The following IL6R variants were observed in gnomAD, a reference collection of about 807,000 sequenced individuals.
The protein encoded by IL6R is interleukin-6 receptor subunit alpha.
In IL6R, 38 loss-of-function variants were observed where a neutral mutation model predicts 48.3. The ratio of observed to expected loss-of-function variants is 0.79; its 90% CI spans 0.61 to 1.03. The LOEUF is 1.03. Among genes scored for constraint, IL6R ranks in the 50% least tolerant of loss-of-function variants. The probability of loss-of-function intolerance (pLI) is 0.00; values close to 1 mark genes in which losing one functional copy is unlikely to be tolerated. For missense variants in IL6R, 534 were observed against 618.3 expected, an observed-to-expected ratio of 0.86 and a Z score of 1.45; for synonymous variants, 264 against 256.2, an observed-to-expected ratio of 1.03 and a Z score of -0.29.
At chr1:154,432,901 G>A (rs1456158476) in intron 3 of IL6R, among the ~76,000 whole-genome samples, 3 of 152,196 alleles carry the variant, frequency 2.0e-5, no homozygotes, top group Admixed American at 6.5e-5. Flanking sequence ...CCTGGAAAGG[G>A]ATTACTGGGA....
intron 1 of IL6R, among the ~76,000 whole-genome samples, chr1:154,416,580 C>T (rs1392190195): frequency 1.3e-5 from 2 of 152,082 alleles, no homozygotes; most frequent in African/African-American, 2.4e-5. Flanking sequence ...TCAGGTCTCA[C>T]TGAGGGGAGA....
chr1:154,450,221 G>A (rs1010666483), intron 8 of IL6R, among the ~76,000 whole-genome samples: 1 of 151,676 alleles, frequency 6.6e-6, no homozygotes, highest in Non-Finnish European at 1.5e-5. Flanking sequence ...TGTCTCCTGA[G>A]TTCAAGCGAT....
chr1:154,414,492 C>T, intron 1 of IL6R: 3 of 884,074 alleles, frequency 3.4e-6, no homozygotes, highest in Non-Finnish European at 5.6e-6. Flanking sequence ...GGGCCCGGGA[C>T]CCACCCTCAC....
At chr1:154,412,121 G>A (rs1435366402) in intron 1 of IL6R, among the ~76,000 whole-genome samples, 1 of 151,252 alleles carries the variant, frequency 6.6e-6, no homozygotes, top group African/African-American at 2.4e-5. Flanking sequence ...CTAATTTTTT[G>A]TATTTTTAGT....
At chr1:154,421,291 G>A (rs1688648733) in intron 1 of IL6R, among the ~76,000 whole-genome samples, 2 of 152,128 alleles carry the variant, frequency 1.3e-5, no homozygotes, top group Non-Finnish European at 2.9e-5. Flanking sequence ...GGAGAGGTGG[G>A]GAAGCCATTG....
intron 1 of IL6R, among the ~76,000 whole-genome samples, chr1:154,417,400 C>A (rs773012901): frequency 1.4e-4 from 22 of 152,206 alleles, no homozygotes; most frequent in Non-Finnish European, 3.1e-4. Context: ...CAGCACCCTA[C>A]ACACTGGCTG....
chr1:154,412,759 C>A lies in IL6R; in HGVS notation c.85+7045C>A, dbSNP rs74229234. Among the ~76,000 whole-genome samples, 244 of 151,986 alleles carry A rather than the reference C, an allele frequency of 1.6e-3. 8 individuals carry two copies. The East Asian group carries it at 0.038, about 23-fold the overall frequency. The stretch of plus-strand genomic sequence containing the variant: ...TGTAATCCTGACAACATTTGAAGTA[C>A]CTATGGTTATTATTTCTATTTTATG... On this transcript the variant is annotated intron_variant, in intron 1 of 9. Coordinates refer to ENST00000368485, the MANE Select transcript of IL6R (RefSeq NM_000565.4).
intron 1 of IL6R, among the ~76,000 whole-genome samples, chr1:154,406,961 G>T (rs1319181883): frequency 6.6e-6 from 1 of 152,238 alleles, no homozygotes; most frequent in Non-Finnish European, 1.5e-5. Flanking sequence ...GTTCAGGGAG[G>T]TTGGGATGGC....
chr1:154,405,647 C>A lies in IL6R; in HGVS notation c.18C>A (p.Cys6Ter). Residue 6 changes from cysteine to a stop codon, truncating the protein, a stop_gained, in exon 1 of 10, where the codon TGC (cysteine) becomes TGA (stop). Coordinates refer to ENST00000368485, the MANE Select transcript of IL6R (RefSeq NM_000565.4). LOFTEE classifies it high-confidence loss of function. The surrounding 1 kb of genome is among the most constrained non-coding windows in gnomAD (Gnocchi z 5.2). MLAVG[C>*]ALLAALLAAP... ...GAGGAAGCATGCTGGCCGTCGGCTG[C>A]GCGCTGCTGGCTGCCCTGCTGGCCG... 1 of 1,533,382 alleles carries A rather than the reference C, an allele frequency of 6.5e-7. No individual in the cohort carries two copies. Among genetic ancestry groups the A allele is most frequent in the Non-Finnish European group, 8.7e-7 (1 of 1,147,394 alleles). The allele number at this position is 1,533,382 out of a possible 1,614,324, so 95.0% of individuals were successfully genotyped here. A position where few individuals can be genotyped will look rare whatever the true frequency, so the allele number is the denominator to read the frequency against.
rs1445263609 is a variant in IL6R at position 154,465,257 on chromosome 1, C to G, written c.1284C>G (p.Ile428Met). 1 of 1,614,210 alleles carries G rather than the reference C, an allele frequency of 6.2e-7. No individual in the cohort carries two copies. The highest frequency in any genetic ancestry group is 1.7e-5 in the Admixed American group (1 of 60,034). The change falls in exon 10 of 10, where the codon ATC becomes ATG. Residue 428 changes from isoleucine (I) to methionine (M), a missense_variant. Physicochemically the swap from Ile to Met is conservative, Grantham distance 10. Coordinates refer to ENST00000368485, the MANE Select transcript of IL6R (RefSeq NM_000565.4). ...PRPTPVLVPLISPPVSPSSLG... is the reference protein window; with the variant it reads ...PRPTPVLVPLMSPPVSPSSLG... ...CCACCCCAGTGCTTGTTCCTCTCAT[C>G]TCCCCACCGGTGTCCCCCAGCAGCC...
At chr1:154,464,232 G>A (rs925144995) in intron 9 of IL6R, among the ~76,000 whole-genome samples, 3 of 150,322 alleles carry the variant, frequency 2.0e-5, no homozygotes, top group African/African-American at 7.4e-5. Flanking sequence ...TCAGCTCACT[G>A]CAACCTCTGC....
chr1:154,460,501 C>T (rs1691189637), intron 9 of IL6R, among the ~76,000 whole-genome samples: 1 of 152,162 alleles, frequency 6.6e-6, no homozygotes, highest in African/African-American at 2.4e-5. Flanking sequence ...TACATACACA[C>T]ATACATATGT....
At chr1:154,414,855 G>T in intron 1 of IL6R, 2 of 766,590 alleles carry the variant, frequency 2.6e-6, no homozygotes. Context: ...GCTGGTGCAT[G>T]TAGGCTGACT....
At chr1:154,444,422 G>C (rs1041832447) in intron 6 of IL6R, among the ~76,000 whole-genome samples, 1 of 152,172 alleles carries the variant, frequency 6.6e-6, no homozygotes, top group African/African-American at 2.4e-5. Flanking sequence ...TGGTCAGGCT[G>C]GTCTTAACTC....
intron 6 of IL6R, chr1:154,445,170 G>C (rs1278804212): frequency 2.2e-6 from 1 of 454,548 alleles, no homozygotes; most frequent in Non-Finnish European, 4.4e-6. Context: ...GAGCAGTGAT[G>C]AGCTGTCTGT....
At chr1:154,454,914 AG>A (rs1690788531) in intron 9 of IL6R, among the ~76,000 whole-genome samples, 1 of 151,994 alleles carries the variant, frequency 6.6e-6, no homozygotes, top group African/African-American at 2.4e-5. Context: ...GAGAAAGAAG[AG>A]GGTTCTTTTT....
chr1:154,449,994 A>G lies in IL6R; in HGVS notation c.1066+14A>G, dbSNP rs1340356287. On this transcript the variant is annotated intron_variant, in intron 8 of 9. Coordinates refer to ENST00000368485, the MANE Select transcript of IL6R (RefSeq NM_000565.4). The stretch of plus-strand genomic sequence containing the variant: ...CAAGCCTCCCAGGTAAGGACTGGGT[A>G]TTTTCATATTCCCAGGGTCCGAGGG... 1 of 1,527,588 alleles carries G rather than the reference A, an allele frequency of 6.5e-7. No homozygotes were observed. Among genetic ancestry groups the G allele is most frequent in the African/African-American group, 1.4e-5 (1 of 73,120 alleles). The allele number at this position is 1,527,588 out of a possible 1,614,324, so 94.6% of individuals were successfully genotyped here. A position where few individuals can be genotyped will look rare whatever the true frequency, so the allele number is the denominator to read the frequency against.
At chr1:154,413,008 CTTT>C (rs1338006987) in intron 1 of IL6R, among the ~76,000 whole-genome samples, 1 of 144,716 alleles carries the variant, frequency 6.9e-6, no homozygotes. Flanking sequence ...GGTTCCCCCC[CTTT>C]TTTTTTTTGA....
intron 2 of IL6R, among the ~76,000 whole-genome samples, chr1:154,429,725 C>T (rs1470235087): frequency 2.6e-5 from 4 of 151,990 alleles, no homozygotes; most frequent in Non-Finnish European, 5.9e-5. Flanking sequence ...GGGTTTGAAT[C>T]CTGCTCCCTC....
Sources: allele counts gnomAD v4.1 joint callset (sites outside exome capture counted in the v4.1 genomes callset), GRCh38; gene constraint gnomAD v4.1.1; non-coding constraint Gnocchi (gnomAD v3.1); transcripts MANE v1.5; gene names NCBI Gene and HGNC (gene_info 2026-07-23, HGNC 2026-07-21).